Variants in TBX19 observed in about 807,000 individuals in gnomAD.
TBX19 encodes the protein T-box transcription factor TBX19.
In TBX19, 33 loss-of-function variants were observed where a neutral mutation model predicts 40.9. That is an observed-to-expected ratio of 0.81 (90% CI 0.61 to 1.08). The LOEUF is 1.08. TBX19 is among the 50% of genes least tolerant of loss of function. TBX19 has a pLI of 0.00. For missense variants in TBX19, 494 were observed against 574.0 expected (o/e 0.86, Z 1.42); for synonymous variants, 220 against 225.0 (o/e 0.98, Z 0.20).
chr1:168,298,175 G>C (rs1368961134), intron 4 of TBX19, among the ~76,000 whole-genome samples: 1 of 152,124 alleles, frequency 6.6e-6, no homozygotes, highest in Admixed American at 6.5e-5. Flanking sequence ...CAGCCTGGGC[G>C]ACAGAGCGAG....
intron 4 of TBX19, among the ~76,000 whole-genome samples, chr1:168,299,870 C>T (rs1356493392): frequency 6.6e-6 from 1 of 152,174 alleles, no homozygotes; most frequent in Non-Finnish European, 1.5e-5. Context: ...TGAGATGACA[C>T]AATCTAGATT....
In TBX19 at chr1:168,313,219, A is replaced by G. The variant is rs761649826; in HGVS notation, c.*217A>G. The G allele has an allele frequency of 2.9e-5, 18 of 616,482 alleles. No homozygotes were observed. The highest frequency in any genetic ancestry group is 4.3e-5 in the Non-Finnish European group (15 of 351,176). 38.2% of individuals were successfully genotyped at this position (616,482 alleles called of 1,614,324 possible). On this transcript the variant is annotated 3_prime_UTR_variant, in exon 8 of 8. Coordinates refer to ENST00000367821, the MANE Select transcript of TBX19 (RefSeq NM_005149.3). ...CTCCACCATTTTCTTCTGCACTCCCATTTTCTCTGCAGCTTATTCTTGCCA... is the reference window on the plus strand; with the variant it reads ...CTCCACCATTTTCTTCTGCACTCCCGTTTTCTCTGCAGCTTATTCTTGCCA...
rs758102318 is a variant in TBX19, at chr1:168,297,275, G to T, written c.604-449G>T. ...CTCGATGCTAGATGGCACTCATCCAGAGGGGCAGGATCACACCTGTGCTGC... is the reference window on the plus strand; with the variant it reads ...CTCGATGCTAGATGGCACTCATCCATAGGGGCAGGATCACACCTGTGCTGC... On this transcript the variant is annotated intron_variant, in intron 3 of 7. Coordinates refer to ENST00000367821, the MANE Select transcript of TBX19 (RefSeq NM_005149.3). 3.4e-4 allele frequency among the ~76,000 whole-genome samples: 51 copies of T among 152,214 alleles called. 1 individual carries two copies. The highest frequency in any genetic ancestry group is 5.0e-4 in the Non-Finnish European group (34 of 68,040).
chr1:168,301,804 G>C (rs909084186), intron 5 of TBX19, among the ~76,000 whole-genome samples: 1 of 152,146 alleles, frequency 6.6e-6, no homozygotes, highest in South Asian at 2.1e-4. Context: ...ATTGTTCTTT[G>C]TATCACACAT....
intron 5 of TBX19, among the ~76,000 whole-genome samples, chr1:168,302,795 CATG>C: frequency 6.6e-6 from 1 of 152,192 alleles, no homozygotes; most frequent in Non-Finnish European, 1.5e-5. Context: ...TGGAAGGCAT[CATG>C]ATATCTCTTG....
chr1:168,307,820 A>G lies in TBX19; in HGVS notation c.917-922A>G, dbSNP rs147391245. 3.3e-3 allele frequency among the ~76,000 whole-genome samples: 496 copies of G among 152,318 alleles called. 4 individuals carry two copies. The highest frequency in any genetic ancestry group is 0.011 in the African/African-American group (463 of 41,560). On this transcript the variant is annotated intron_variant, in intron 6 of 7. Coordinates refer to ENST00000367821, the MANE Select transcript of TBX19 (RefSeq NM_005149.3). ...GCATAGTGAAGTGATTACTGCTGTC[A>G]AGCAAATTAACATGTCCATCTCCTC...
At position 168,305,183 on chromosome 1, in the gene TBX19, C is replaced by A. The variant is rs1190347966; in HGVS notation, c.903C>A (p.Asn301Lys). 1.2e-6 allele frequency: 2 copies of A among 1,611,974 alleles called. No individual in the cohort carries two copies. The highest frequency in any genetic ancestry group is 2.7e-5 in the African/African-American group (2 of 74,892). ...APYPSAYMHR[N>K]HSPSVNLIES... is the part of the protein sequence containing the mutation. ...ACCCTTCTGCGTACATGCACAGAAA[C>A]CATTCTCCCTCAGGTCTGTGACTCT... is the stretch of plus-strand genomic sequence containing the variant. Residue 301 changes from asparagine to lysine, a missense_variant, in exon 6 of 8, where the codon AAC becomes AAA. Coordinates refer to ENST00000367821, the MANE Select transcript of TBX19 (RefSeq NM_005149.3).
chr1:168,312,662 G>T (rs1221945374), intron 7 of TBX19, 46 bp from the exon 8 acceptor site: 2 of 1,599,610 alleles, frequency 1.3e-6, no homozygotes, highest in Non-Finnish European at 1.7e-6. Context: ...CTCCTTCCTT[G>T]GAGTGCCAGT....
At chr1:168,299,840 C>G (rs1649230973) in intron 4 of TBX19, among the ~76,000 whole-genome samples, 1 of 152,070 alleles carries the variant, frequency 6.6e-6, no homozygotes, top group African/African-American at 2.4e-5. Flanking sequence ...AACAAAAGGC[C>G]TAAAGGATAA....
At chr1:168,286,203 C>A (rs1409388230) in intron 1 of TBX19, among the ~76,000 whole-genome samples, 2 of 152,226 alleles carry the variant, frequency 1.3e-5, no homozygotes, top group African/African-American at 4.8e-5. Context: ...TTCTAAGAGA[C>A]AAGACACTGT....
At chr1:168,289,431 G>A (rs1467837088) in intron 1 of TBX19, among the ~76,000 whole-genome samples, 1 of 152,206 alleles carries the variant, frequency 6.6e-6, no homozygotes, top group Non-Finnish European at 1.5e-5. Flanking sequence ...CCTAGAGGAG[G>A]TGTATCATTT....
At chr1:168,312,562 T>C in intron 7 of TBX19, 146 bp from the exon 8 acceptor site, 1 of 885,948 alleles carries the variant, frequency 1.1e-6, no homozygotes, top group East Asian at 2.5e-5. Context: ...ACAGGACCAA[T>C]CTGCGTCATA....
At chr1:168,298,024 G>A (rs1179097678) in intron 4 of TBX19, among the ~76,000 whole-genome samples, 2 of 151,992 alleles carry the variant, frequency 1.3e-5, no homozygotes, top group Non-Finnish European at 1.5e-5. Flanking sequence ...GTGAAACCCC[G>A]TCTCTACTAA....
chr1:168,308,891 C>T lies in TBX19; in HGVS notation c.1052+14C>T. The stretch of plus-strand genomic sequence containing the variant: ...TCCAGGGCCCAGGTAAGACCAACAC[C>T]ATCAACTCGCTCATTGGTCGTCTTG... On this transcript the variant is annotated intron_variant, in intron 7 of 7. Transcript: ENST00000367821. 6.2e-7 allele frequency: 1 copy of T among 1,614,146 alleles called. No individual in the cohort carries two copies. Among genetic ancestry groups the T allele is most frequent in the South Asian group, 1.1e-5 (1 of 91,072 alleles).
At chr1:168,309,436 A>C (rs79958021) in intron 7 of TBX19, among the ~76,000 whole-genome samples, 2,355 of 152,342 alleles carry the variant, frequency 0.015, 53 homozygotes, top group African/African-American at 0.054. Flanking sequence ...CATTTGTCTT[A>C]AACCAGTCAG....
intron 3 of TBX19, among the ~76,000 whole-genome samples, chr1:168,294,906 T>C (rs1024834171): frequency 3.9e-5 from 6 of 152,152 alleles, no homozygotes; most frequent in Admixed American, 2.6e-4. Context: ...CCAAATTGCT[T>C]CCCTCAAAAT....
rs58932168 is a variant in TBX19 at position 168,282,137 on chromosome 1, A to G, written c.203+844A>G. 8.3e-3 allele frequency among the ~76,000 whole-genome samples: 1,271 copies of G among 152,262 alleles called. 15 individuals carry two copies. The highest frequency in any genetic ancestry group is 0.029 in the African/African-American group (1,203 of 41,520). On this transcript the variant is annotated intron_variant, in intron 1 of 7. Transcript: ENST00000367821. ...GGTGTTCACATAGCTTTTCATACAC[A>G]TGGTCACAAAAGTACAAAATGCTGA... is the stretch of plus-strand genomic sequence containing the variant.
rs530278727 is a variant in TBX19, at chr1:168,313,276, T to C, written c.*274T>C. The C allele has an allele frequency of 3.9e-4, 203 of 519,138 alleles. No individual in the cohort carries two copies. The highest frequency in any genetic ancestry group is 3.0e-3 in the African/African-American group (157 of 52,300). 32.2% of individuals were successfully genotyped at this position (519,138 alleles called of 1,614,324 possible). On this transcript the variant is annotated 3_prime_UTR_variant, in exon 8 of 8. Coordinates refer to ENST00000367821, the MANE Select transcript of TBX19 (RefSeq NM_005149.3). ...GGTGACAGAAGTTTGTTAAGTACCA[T>C]CCTTGTGCCCTGCCTCTTATTCTCA...
At position 168,281,073 on chromosome 1, in the gene TBX19, A is replaced by G; in HGVS notation, c.-18A>G. 1 of 1,613,878 alleles carries G rather than the reference A, an allele frequency of 6.2e-7. No individual in the cohort carries two copies. On this transcript the variant is annotated 5_prime_UTR_variant, in exon 1 of 8. Transcript: ENST00000367821. ...GGCAAGTTGGGTAACGGCTCTCGGC[A>G]AAGTTCGAGAAGTGCCTATGGCCAT...
Sources: allele counts gnomAD v4.1 joint callset (sites outside exome capture counted in the v4.1 genomes callset), GRCh38; gene constraint gnomAD v4.1.1; transcripts MANE v1.5; gene names NCBI Gene and HGNC (gene_info 2026-07-23, HGNC 2026-07-21).